The following RGS22 variants were observed in gnomAD, a reference collection of about 807,000 sequenced individuals.
RGS22 encodes regulator of G-protein signaling 22.
Under a neutral mutation model 172.9 loss-of-function variants are expected in RGS22, and 148 were observed. The ratio of observed to expected loss-of-function variants is 0.86; its 90% CI spans 0.75 to 0.98. RGS22 has a LOEUF of 0.98. Ranked by LOEUF, RGS22 falls within the 50% of genes least tolerant of loss-of-function variation. The probability of loss-of-function intolerance (pLI) is 0.00; values close to 1 mark genes in which losing one functional copy is unlikely to be tolerated. For missense variants in RGS22, 1,347 were observed against 1,440.8 expected, an observed-to-expected ratio of 0.93 and a Z score of 1.05; for synonymous variants, 458 against 480.2, an observed-to-expected ratio of 0.95 and a Z score of 0.60.
chr8:100,075,931 G>A (rs956417910), intron 4 of RGS22, among the ~76,000 whole-genome samples: 2 of 152,082 alleles, frequency 1.3e-5, no homozygotes, highest in African/African-American at 4.8e-5. Flanking sequence ...ATCGTGTTGG[G>A]TGTGAAGTAG....
At chr8:100,024,141 A>G (rs1303305778) in intron 14 of RGS22, 1 of 151,986 alleles carries the variant, frequency 6.6e-6, no homozygotes, top group Admixed American at 6.6e-5. Flanking sequence ...TAATTTTTGT[A>G]TTTTTAGTAG....
chr8:99,998,540 C>A (rs1195142088), intron 19 of RGS22, among the ~76,000 whole-genome samples: 1 of 152,084 alleles, frequency 6.6e-6, no homozygotes, highest in East Asian at 1.9e-4. Context: ...TTGTGAATAG[C>A]CACTGCACTC....
At chr8:100,084,115 G>A (rs1036945202) in intron 3 of RGS22, among the ~76,000 whole-genome samples, 7 of 152,142 alleles carry the variant, frequency 4.6e-5, no homozygotes, top group African/African-American at 1.7e-4. Context: ...GGGATTACAG[G>A]CGTGAGCCAC....
Position 99,978,044 on chromosome 8 carries a change from C to T in RGS22, c.3392G>A (p.Trp1131Ter), listed in dbSNP as rs1812173680. 16 of 1,525,422 alleles carry T rather than the reference C, an allele frequency of 1.0e-5. No homozygotes were observed. Among genetic ancestry groups the T allele is most frequent in the South Asian group, 1.3e-5 (1 of 74,462 alleles). 94.5% of individuals were successfully genotyped at this position (1,525,422 alleles called of 1,614,324 possible). A position where few individuals can be genotyped will look rare whatever the true frequency, so the allele number is the denominator to read the frequency against. ...MTIFGVLFKF[W>*]PQFCEFRKNL... The stretch of plus-strand genomic sequence containing the variant: ...CTTCCTAAACTCACAGAACTGAGGC[C>T]AGAATTTAAACAGAACCCCAAAAAT... The change falls in exon 23 of 28, where the codon TGG becomes TAG. Residue 1131 changes from tryptophan (W) to a stop codon, truncating the protein, a stop_gained. Coordinates refer to ENST00000360863, the MANE Select transcript of RGS22 (RefSeq NM_015668.5). LOFTEE classifies it high-confidence loss of function.
chr8:100,074,725 G>A (rs570541383), intron 4 of RGS22, among the ~76,000 whole-genome samples: 9 of 151,708 alleles, frequency 5.9e-5, no homozygotes, highest in South Asian at 2.1e-4. Context: ...AACTATAGAC[G>A]TTTACATGCA....
At chr8:99,987,994 CAT>C (rs1287152763) in intron 20 of RGS22, among the ~76,000 whole-genome samples, 4 of 151,132 alleles carry the variant, frequency 2.6e-5, no homozygotes, top group Non-Finnish European at 5.9e-5. Flanking sequence ...TTTATTATTA[CAT>C]GTTATATATT....
rs190569117 is a variant in RGS22, at chr8:100,047,404, A to G, written c.1823+59T>C. 275 of 1,462,532 alleles carry G rather than the reference A, an allele frequency of 1.9e-4. 1 individual carries two copies. In the Admixed American group the frequency reaches 2.9e-3, roughly 15 times the overall value. The allele number at this position is 1,462,532 out of a possible 1,614,324, so 90.6% of individuals were successfully genotyped here. A position where few individuals can be genotyped will look rare whatever the true frequency, so the allele number is the denominator to read the frequency against. On this transcript the variant is annotated intron_variant, in intron 11 of 27. Coordinates refer to ENST00000360863, the MANE Select transcript of RGS22 (RefSeq NM_015668.5). ...TTTTTAATTTCTGTTTAGTTTTTAAATTCTCTAAAACGCTTAGTATTGCAG... is the reference window on the plus strand; with the variant it reads ...TTTTTAATTTCTGTTTAGTTTTTAAGTTCTCTAAAACGCTTAGTATTGCAG...
At chr8:99,984,825 T>A (rs1026173506) in intron 21 of RGS22, among the ~76,000 whole-genome samples, 7 of 137,144 alleles carry the variant, frequency 5.1e-5, no homozygotes, top group African/African-American at 2.1e-4. Context: ...ACACACACAC[T>A]TTAGATTAAA....
chr8:99,999,160 A>AG, intron 19 of RGS22, 102 bp downstream of exon 19: 1 of 638,094 alleles, frequency 1.6e-6, no homozygotes, highest in Non-Finnish European at 2.2e-6. Flanking sequence ...CCATTCCTTA[A>AG]AAAAAAAAAA....
Position 100,006,941 on chromosome 8 carries a change from T to A in RGS22, c.2362-832A>T, listed in dbSNP as rs568208268. ...TTATAATTCCAAATCTTTTTTTTTT[T>A]AAAACCATTGCACCCTCTACGGCAT... On this transcript the variant is annotated intron_variant, in intron 15 of 27. Coordinates refer to ENST00000360863, the MANE Select transcript of RGS22 (RefSeq NM_015668.5). Among the ~76,000 whole-genome samples, 32 of 152,144 alleles carry A rather than the reference T, an allele frequency of 2.1e-4. 1 individual carries two copies. The South Asian group carries it at 2.3e-3, about 11-fold the overall frequency.
intron 3 of RGS22, among the ~76,000 whole-genome samples, chr8:100,081,238 A>C (rs1348537151): frequency 6.6e-6 from 1 of 152,090 alleles, no homozygotes; most frequent in Admixed American, 6.6e-5. Flanking sequence ...AAGTGTTCTA[A>C]GTAGAACATT....
In RGS22 at chr8:100,008,441, A is replaced by C; in HGVS notation, c.2295T>G (p.Tyr765Ter). Reference sequence around the variant, plus strand: ...ATGGCTCAAGAAGGAGGAGAAGGATATATTCCTCTGCTGTGTCAAAAAGGT... The same window carrying C: ...ATGGCTCAAGAAGGAGGAGAAGGATCTATTCCTCTGCTGTGTCAAAAAGGT... ...FEDLFDTAEE[Y>*]ILLLLLEPWT... is the part of the protein sequence containing the mutation. Residue 765 changes from tyrosine (Y) to a stop codon, truncating the protein, a stop_gained, in exon 15 of 28, where the codon TAT becomes TAG. Coordinates refer to ENST00000360863, the MANE Select transcript of RGS22 (RefSeq NM_015668.5). LOFTEE classifies it high-confidence loss of function. 1.2e-6 allele frequency: 2 copies of C among 1,613,652 alleles called. No homozygotes were observed. The highest frequency in any genetic ancestry group is 1.7e-6 in the Non-Finnish European group (2 of 1,179,892).
intron 14 of RGS22, among the ~76,000 whole-genome samples, chr8:100,028,455 CAAAA>C (rs201672610): frequency 2.2e-5 from 2 of 91,814 alleles, no homozygotes; most frequent in African/African-American, 3.3e-5. Context: ...ACCTAGGAGA[CAAAA>C]AAAAAAAAAA....
At chr8:99,984,437 AT>A (rs5893502) in intron 21 of RGS22, among the ~76,000 whole-genome samples, 28,408 of 151,058 alleles carry the variant, frequency 0.19, 4,293 homozygotes, top group African/African-American at 0.42. Flanking sequence ...ATTATAACTG[AT>A]TTTTTTTTTC....
At chr8:100,025,849 G>A (rs1056174487) in intron 14 of RGS22, among the ~76,000 whole-genome samples, 5 of 152,156 alleles carry the variant, frequency 3.3e-5, no homozygotes, top group East Asian at 1.9e-4. Flanking sequence ...CAAATTTTAC[G>A]GGGGAGGAGC....
In RGS22 at chr8:100,062,705, TA is replaced by T; in HGVS notation, c.1399del (p.Tyr467ThrfsTer14). ...KKCYLVSNGD[Y>X]YLSAEILSKF... The stretch of plus-strand genomic sequence containing the variant: ...TGATAAGATTTCTGCAGAAAGGTAG[TA>T]ATCTCCATTGCTCACTAGATAGCAT... On this transcript the variant is annotated frameshift_variant, in exon 9 of 28. Transcript: ENST00000360863. LOFTEE classifies it high-confidence loss of function. 1 of 1,598,952 alleles carries T rather than the reference TA, an allele frequency of 6.3e-7. No homozygotes were observed. Among genetic ancestry groups the T allele is most frequent in the Non-Finnish European group, 8.5e-7 (1 of 1,174,432 alleles).
At chr8:99,971,356 A>G (rs1295054851) in intron 23 of RGS22, among the ~76,000 whole-genome samples, 1 of 152,210 alleles carries the variant, frequency 6.6e-6, no homozygotes, top group African/African-American at 2.4e-5. Flanking sequence ...TATTCAACAT[A>G]GTATTGGAAG....
chr8:99,962,452 G>T lies in RGS22; in HGVS notation c.3791-9C>A, dbSNP rs780598973. 4.8e-5 allele frequency: 77 copies of T among 1,613,030 alleles called. No individual in the cohort carries two copies. Among genetic ancestry groups the T allele is most frequent in the Non-Finnish European group, 6.4e-5 (76 of 1,179,200 alleles). On this transcript the variant is annotated splice_polypyrimidine_tract_variant and intron_variant, in intron 26 of 27. Transcript: ENST00000360863. The stretch of plus-strand genomic sequence containing the variant: ...ACAAGAATGCTGTCACTCTGGAAAA[G>T]ACATGAAGTTTTATGTATATATTTA...
At chr8:99,984,219 T>C (rs112703387) in intron 21 of RGS22, among the ~76,000 whole-genome samples, 13,960 of 152,020 alleles carry the variant, frequency 0.092, 827 homozygotes, top group African/African-American at 0.16. Context: ...CCAGGGAGGT[T>C]GACGCTGCAG....
Sources: allele counts gnomAD v4.1 joint callset (sites outside exome capture counted in the v4.1 genomes callset), GRCh38; gene constraint gnomAD v4.1.1; transcripts MANE v1.5; gene names NCBI Gene and HGNC (gene_info 2026-07-23, HGNC 2026-07-21).